Variants in PAX7 observed in about 807,000 individuals in gnomAD.
PAX7 encodes paired box 7.
In PAX7, 18 loss-of-function variants were observed where a neutral mutation model predicts 50.7. The ratio of observed to expected loss-of-function variants is 0.36; its 90% CI spans 0.25 to 0.53. The LOEUF (loss-of-function observed/expected upper bound fraction) is 0.53. PAX7 is among the 20% of genes least tolerant of loss of function. The pLI is 0.93. For synonymous variants in PAX7, 310 were observed against 290.4 expected (o/e 1.07, Z -0.69); for missense variants, 644 against 702.9 (o/e 0.92, Z 0.95).
chr1:18,670,345 G>A lies in PAX7; in HGVS notation c.587-21409G>A, dbSNP rs1003482678. ...GTCTCCTGTTTCCAACCCCCATCAT[G>A]AGAGCAGAAACTAAGGAGTGGAGCA... is the stretch of plus-strand genomic sequence containing the variant. On this transcript the variant is annotated intron_variant, in intron 4 of 8. Transcript: ENST00000420770. Among the ~76,000 whole-genome samples the A allele has an allele frequency of 2.0e-5, 3 of 152,156 alleles. No individual in the cohort carries two copies. The East Asian group carries it at 5.8e-4, about 29-fold the overall frequency.
chr1:18,636,481 G>A lies in PAX7; in HGVS notation c.586+110G>A, dbSNP rs893736929. The A allele has an allele frequency of 7.4e-7, 1 of 1,348,714 alleles. No homozygotes were observed. Among genetic ancestry groups the A allele is most frequent in the Non-Finnish European group, 1.0e-6 (1 of 980,344 alleles). 83.5% of individuals were successfully genotyped at this position (1,348,714 alleles called of 1,614,324 possible). A position where few individuals can be genotyped will look rare whatever the true frequency, so the allele number is the denominator to read the frequency against. On this transcript the variant is annotated intron_variant, in intron 4 of 8. Transcript: ENST00000420770. This position sits in a 1 kb window ranked among gnomAD's most constrained non-coding sequence, Gnocchi z 5.1. The stretch of plus-strand genomic sequence containing the variant: ...GGAGCAGGCGACCAGAACTCCAGCG[G>A]AGAAACTCTCATGCTGCGGGGCAGC...
intron 7 of PAX7, among the ~76,000 whole-genome samples, chr1:18,714,908 G>A (rs886719579): frequency 2.0e-5 from 3 of 152,216 alleles, no homozygotes; most frequent in Non-Finnish European, 4.4e-5. Flanking sequence ...CTGGGGACGA[G>A]ACAGTACAGC....
At chr1:18,703,843 C>G (rs570936328) in intron 7 of PAX7, among the ~76,000 whole-genome samples, 236 of 152,278 alleles carry the variant, frequency 1.5e-3, no homozygotes, top group Non-Finnish European at 1.9e-3. Context: ...TGGTGAGAAT[C>G]CACTGCACAT....
Position 18,634,987 on chromosome 1 carries a change from T to C in PAX7, c.322-124T>C. On this transcript the variant is annotated intron_variant, in intron 2 of 8. Coordinates refer to ENST00000420770, the MANE Select transcript of PAX7 (RefSeq NM_001135254.2). This position sits in a 1 kb window ranked among gnomAD's most constrained non-coding sequence, Gnocchi z 4.0. ...AGGATAAAGCCAATCTCTTGGGGGA[T>C]GGGGGGACACAAGGTAACCAGAACC... 1.4e-5 allele frequency: 17 copies of C among 1,212,056 alleles called. No individual in the cohort carries two copies. Among genetic ancestry groups the C allele is most frequent in the Non-Finnish European group, 1.9e-5 (17 of 878,550 alleles). The allele number at this position is 1,212,056 out of a possible 1,614,324, so 75.1% of individuals were successfully genotyped here.
intron 4 of PAX7, among the ~76,000 whole-genome samples, chr1:18,661,091 G>C (rs1489081522): frequency 6.6e-6 from 1 of 152,120 alleles, no homozygotes; most frequent in Non-Finnish European, 1.5e-5. Flanking sequence ...GTTGACACGT[G>C]GTTGTTAGAT....
chr1:18,692,299 C>T (rs948587871), intron 5 of PAX7, among the ~76,000 whole-genome samples: 21 of 150,466 alleles, frequency 1.4e-4, no homozygotes, highest in Non-Finnish European at 2.2e-4. Flanking sequence ...CCCAGCACTT[C>T]GGGAGGCCGA....
chr1:18,680,125 G>A (rs758377713), intron 4 of PAX7, among the ~76,000 whole-genome samples: 39 of 152,250 alleles, frequency 2.6e-4, no homozygotes, highest in Non-Finnish European at 4.6e-4. Context: ...TACTTTCCTA[G>A]GTTAGTGGGG....
intron 7 of PAX7, among the ~76,000 whole-genome samples, chr1:18,703,968 C>T (rs2089254255): frequency 6.6e-6 from 1 of 152,188 alleles, no homozygotes; most frequent in African/African-American, 2.4e-5. Context: ...ATCTGTGAGC[C>T]TCAGTTTATC....
chr1:18,644,096 G>T (rs1307744135), intron 4 of PAX7, among the ~76,000 whole-genome samples: 2 of 152,260 alleles, frequency 1.3e-5, no homozygotes, highest in Admixed American at 6.5e-5. Context: ...CCCTCTTCCA[G>T]GCTGCGAACG....
chr1:18,742,410 C>G (rs1048967253), intron 8 of PAX7, among the ~76,000 whole-genome samples: 3 of 152,182 alleles, frequency 2.0e-5, no homozygotes, highest in African/African-American at 7.2e-5. Context: ...CCCACCTTGG[C>G]CTCCCAAAGT....
At chr1:18,741,003 G>A (rs1931100189) in intron 8 of PAX7, among the ~76,000 whole-genome samples, 1 of 152,306 alleles carries the variant, frequency 6.6e-6, no homozygotes, top group East Asian at 1.9e-4. Context: ...CAGGGAGGGA[G>A]ATGAAGAGAG....
At chr1:18,730,847 TATTG>T (rs2089636936) in intron 7 of PAX7, among the ~76,000 whole-genome samples, 1 of 151,342 alleles carries the variant, frequency 6.6e-6, no homozygotes, top group Admixed American at 6.6e-5. Flanking sequence ...GCTGGCCTCT[TATTG>T]ATTTAGTCTG....
chr1:18,662,575 T>TTTG (rs2088615794), intron 4 of PAX7, among the ~76,000 whole-genome samples: 1 of 152,106 alleles, frequency 6.6e-6, no homozygotes, highest in Admixed American at 6.6e-5. Flanking sequence ...TTTGTTTTGT[T>TTTG]TTGTTTTTGT....
At chr1:18,707,582 C>T (rs1570203681) in intron 7 of PAX7, among the ~76,000 whole-genome samples, 2 of 151,854 alleles carry the variant, frequency 1.3e-5, no homozygotes, top group East Asian at 3.9e-4. Context: ...GCCACCATGC[C>T]CAGCTAATTT....
At chr1:18,639,392 C>A (rs1238841916) in intron 4 of PAX7, among the ~76,000 whole-genome samples, 1 of 94,204 alleles carries the variant, frequency 1.1e-5, no homozygotes, top group Non-Finnish European at 2.0e-5. Context: ...TGAGGCTGTT[C>A]ATATTTTTTT....
intron 7 of PAX7, among the ~76,000 whole-genome samples, chr1:18,710,752 T>C (rs985075874): frequency 6.6e-6 from 1 of 152,152 alleles, no homozygotes; most frequent in African/African-American, 2.4e-5. Context: ...ACATATTTTA[T>C]TGCAATTTTT....
intron 4 of PAX7, among the ~76,000 whole-genome samples, chr1:18,647,131 G>A (rs1279927150): frequency 1.3e-5 from 2 of 152,088 alleles, no homozygotes; most frequent in South Asian, 2.1e-4. Context: ...GGCGAGGGGA[G>A]CCGGGCCCTG....
Position 18,703,300 on chromosome 1 carries a change from G to A in PAX7, c.1155+4G>A, listed in dbSNP as rs1409294854. On this transcript the variant is annotated splice_donor_region_variant and intron_variant, in intron 7 of 8. Transcript: ENST00000420770. ...CAGCAACGGCCTGTCTCCTCAGGTA[G>A]GTGGTCTCAGCCCAGCACCCAGGAT... 2.5e-6 allele frequency: 4 copies of A among 1,613,342 alleles called. No homozygotes were observed. Among genetic ancestry groups the A allele is most frequent in the Non-Finnish European group, 3.4e-6 (4 of 1,179,840 alleles).
At position 18,643,391 on chromosome 1, in the gene PAX7, A is replaced by G. The variant is rs182008364; in HGVS notation, c.586+7020A>G. Among the ~76,000 whole-genome samples, 556 of 152,322 alleles carry G rather than the reference A, an allele frequency of 3.7e-3. 4 individuals carry two copies. Among genetic ancestry groups the G allele is most frequent in the Non-Finnish European group, 5.9e-3 (404 of 68,020 alleles). On this transcript the variant is annotated intron_variant, in intron 4 of 8. Transcript: ENST00000420770. ...GTGGGGAGAGGCAGCGGAGACAGAG[A>G]GCCACAGAGGAGGAGAGAGCTAGAA...
Sources: allele counts gnomAD v4.1 joint callset (sites outside exome capture counted in the v4.1 genomes callset), GRCh38; gene constraint gnomAD v4.1.1; non-coding constraint Gnocchi (gnomAD v3.1); transcripts MANE v1.5; gene names NCBI Gene and HGNC (gene_info 2026-07-23, HGNC 2026-07-21).